PSMB7: variants seen among roughly 807,000 people sequenced by gnomAD.
The protein encoded by PSMB7 is proteasome subunit beta type-7.
A neutral mutation model predicts 28.1 loss-of-function variants in PSMB7; 5 were observed. The ratio of observed to expected loss-of-function variants is 0.18; its 90% CI spans 0.09 to 0.37. The LOEUF (loss-of-function observed/expected upper bound fraction) is 0.37, where lower values mean the gene tolerates loss of function less well. Among genes scored for constraint, PSMB7 ranks in the 10% least tolerant of loss-of-function variants. The pLI is 1.00. For missense variants in PSMB7, 275 were observed against 346.2 expected (o/e 0.79, Z 1.63); for synonymous variants, 122 against 123.7 (o/e 0.99, Z 0.09).
intron 5 of PSMB7, among the ~76,000 whole-genome samples, chr9:124,388,562 AG>A (rs1484660927): frequency 1.3e-5 from 2 of 152,230 alleles, no homozygotes; most frequent in Admixed American, 1.3e-4. Context: ...AAACAAGCAC[AG>A]GGGTGGGATT....
chr9:124,397,292 T>C (rs1405880941), intron 5 of PSMB7, among the ~76,000 whole-genome samples: 2 of 152,180 alleles, frequency 1.3e-5, no homozygotes, highest in African/African-American at 4.8e-5. Context: ...GCTCTCATTG[T>C]AGTCAATGTG....
chr9:124,377,989 G>C (rs1830630349), intron 6 of PSMB7, among the ~76,000 whole-genome samples: 1 of 152,230 alleles, frequency 6.6e-6, no homozygotes, highest in Admixed American at 6.5e-5. Context: ...ATCTTCAAAA[G>C]GCAGAGAGCC....
intron 4 of PSMB7, among the ~76,000 whole-genome samples, chr9:124,407,457 G>A (rs1321095569): frequency 6.6e-6 from 1 of 152,134 alleles, no homozygotes; most frequent in African/African-American, 2.4e-5. Flanking sequence ...AGGGCCAAGG[G>A]CTCCAGGAAG....
chr9:124,377,080 G>A (rs1424317546), intron 6 of PSMB7, among the ~76,000 whole-genome samples: 1 of 152,130 alleles, frequency 6.6e-6, no homozygotes, highest in Non-Finnish European at 1.5e-5. Context: ...GTTGCTATGC[G>A]ATGTTTGTAT....
rs747375618 is a variant in PSMB7, at chr9:124,356,628, G to C, written c.722+136C>G. The C allele has an allele frequency of 4.0e-6, 4 of 1,009,494 alleles. No homozygotes were observed. The highest frequency in any genetic ancestry group is 5.8e-6 in the Non-Finnish European group (4 of 690,942). The allele number at this position is 1,009,494 out of a possible 1,614,324, so 62.5% of individuals were successfully genotyped here. The stretch of plus-strand genomic sequence containing the variant: ...AGCAAGTAACAAGCCGAAGGTCTGT[G>C]TGGGAGGTTGATTTGGGAACACTGG... On this transcript the variant is annotated intron_variant, in intron 7 of 7. Coordinates refer to ENST00000259457, the MANE Select transcript of PSMB7 (RefSeq NM_002799.4). The surrounding 1 kb of genome is among the most constrained non-coding windows in gnomAD (Gnocchi z 4.4).
chr9:124,377,892 A>C (rs992862481), intron 6 of PSMB7, among the ~76,000 whole-genome samples: 1 of 152,228 alleles, frequency 6.6e-6, no homozygotes, highest in Non-Finnish European at 1.5e-5. Flanking sequence ...GTGCTACTTA[A>C]AACTGAAGAC....
At chr9:124,388,474 T>C (rs1242762805) in intron 5 of PSMB7, among the ~76,000 whole-genome samples, 2 of 152,214 alleles carry the variant, frequency 1.3e-5, no homozygotes, top group Non-Finnish European at 2.9e-5. Context: ...CCAGGTGCCA[T>C]GCGGCCTATT....
intron 6 of PSMB7, among the ~76,000 whole-genome samples, chr9:124,363,481 G>A (rs1464261552): frequency 6.6e-6 from 1 of 152,242 alleles, no homozygotes. Flanking sequence ...TTTTACGGTA[G>A]AAAACTTTTT....
Position 124,356,419 on chromosome 9 carries a change from G to A in PSMB7, c.722+345C>T, listed in dbSNP as rs1399475113. The stretch of plus-strand genomic sequence containing the variant: ...CACTCTGAGGGAAAGTGCTGGGGCT[G>A]CCCTGAAAAATGCACCTTCTCCCAG... On this transcript the variant is annotated intron_variant, in intron 7 of 7. Coordinates refer to ENST00000259457, the MANE Select transcript of PSMB7 (RefSeq NM_002799.4). This position sits in a 1 kb window ranked among gnomAD's most constrained non-coding sequence, Gnocchi z 4.4. Among the ~76,000 whole-genome samples, 1 of 152,146 alleles carries A rather than the reference G, an allele frequency of 6.6e-6. No individual in the cohort carries two copies. The highest frequency in any genetic ancestry group is 1.5e-5 in the Non-Finnish European group (1 of 68,024).
chr9:124,384,116 T>A (rs1395309639), intron 6 of PSMB7: 1 of 153,684 alleles, frequency 6.5e-6, no homozygotes, highest in African/African-American at 2.4e-5. Flanking sequence ...CTGAGATGAA[T>A]CCCCCACATG....
chr9:124,355,486 AACCATTCCCT>A (rs2131137892), intron 7 of PSMB7, among the ~76,000 whole-genome samples: 1 of 152,282 alleles, frequency 6.6e-6, no homozygotes, highest in South Asian at 2.1e-4. Flanking sequence ...TGAATGGTGT[AACCATTCCCT>A]ACCCCATCAC....
chr9:124,396,628 A>C (rs1830845995), intron 5 of PSMB7: 1 of 381,356 alleles, frequency 2.6e-6, no homozygotes, highest in African/African-American at 2.1e-5. Flanking sequence ...AGCAATGTTT[A>C]TTCCTTAAGT....
Position 124,356,407 on chromosome 9 carries a change from A to G in PSMB7, c.722+357T>C, listed in dbSNP as rs1830407576. 6.6e-6 allele frequency among the ~76,000 whole-genome samples: 1 copy of G among 152,152 alleles called. No homozygotes were observed. Among genetic ancestry groups the G allele is most frequent in the Non-Finnish European group, 1.5e-5 (1 of 68,022 alleles). On this transcript the variant is annotated intron_variant, in intron 7 of 7. Transcript: ENST00000259457. This position sits in a 1 kb window ranked among gnomAD's most constrained non-coding sequence, Gnocchi z 4.4. ...GGAATCTCGGGGCACTCTGAGGGAAAGTGCTGGGGCTGCCCTGAAAAATGC... is the reference window on the plus strand; with the variant it reads ...GGAATCTCGGGGCACTCTGAGGGAAGGTGCTGGGGCTGCCCTGAAAAATGC...
intron 6 of PSMB7, among the ~76,000 whole-genome samples, chr9:124,365,889 TGA>T (rs1203626365): frequency 6.6e-6 from 1 of 152,110 alleles, no homozygotes; most frequent in Non-Finnish European, 1.5e-5. Context: ...CACTCCAGCC[TGA>T]GAGACAGAGC....
At chr9:124,413,792 A>T in intron 3 of PSMB7, 116 bp downstream of exon 3, 1 of 670,730 alleles carries the variant, frequency 1.5e-6, no homozygotes, top group Non-Finnish European at 2.5e-6. Flanking sequence ...ATGCCATTTA[A>T]GGGAGACAGA....
chr9:124,384,121 C>T (rs1466715444), intron 6 of PSMB7: 1 of 154,022 alleles, frequency 6.5e-6, no homozygotes, highest in Non-Finnish European at 1.4e-5. Context: ...ATGAATCCCC[C>T]ACATGTGTGG....
intron 6 of PSMB7, among the ~76,000 whole-genome samples, chr9:124,364,363 G>T (rs545324971): frequency 1.3e-5 from 2 of 152,204 alleles, no homozygotes; most frequent in East Asian, 3.9e-4. Flanking sequence ...GCTGGAATCC[G>T]TGACAGTGAA....
intron 4 of PSMB7, among the ~76,000 whole-genome samples, chr9:124,406,914 G>C (rs1261726260): frequency 6.6e-6 from 1 of 151,990 alleles, no homozygotes; most frequent in Non-Finnish European, 1.5e-5. Context: ...TTGAACCTGG[G>C]TGGCCGAGGT....
chr9:124,382,751 TC>T (rs1325077603), intron 6 of PSMB7, among the ~76,000 whole-genome samples: 2 of 152,194 alleles, frequency 1.3e-5, no homozygotes, highest in Non-Finnish European at 2.9e-5. Flanking sequence ...ATGCTGACAT[TC>T]CCCTTTACTT....
Sources: allele counts gnomAD v4.1 joint callset (sites outside exome capture counted in the v4.1 genomes callset), GRCh38; gene constraint gnomAD v4.1.1; non-coding constraint Gnocchi (gnomAD v3.1); transcripts MANE v1.5; gene names NCBI Gene and HGNC (gene_info 2026-07-23, HGNC 2026-07-21).